Variants in JMJD1C observed in about 807,000 individuals in gnomAD.
JMJD1C encodes the protein jumonji domain-containing protein 1C.
In JMJD1C, 31 loss-of-function variants were observed where a neutral mutation model predicts 245.3. That is an observed-to-expected ratio of 0.13 (90% CI 0.09 to 0.17). The LOEUF is 0.17. Ranked by LOEUF, JMJD1C falls within the 10% of genes least tolerant of loss-of-function variation. The pLI is 1.00. For synonymous variants in JMJD1C, 1,057 were observed against 1,017.4 expected (o/e 1.04, Z -0.74); for missense variants, 2,691 against 3,000.2 (o/e 0.90, Z 2.41).
intron 2 of JMJD1C, among the ~76,000 whole-genome samples, chr10:63,284,046 G>C (rs1857699887): frequency 6.6e-6 from 1 of 151,596 alleles, no homozygotes; most frequent in African/African-American, 2.4e-5. Context: ...TGGGAGGGGG[G>C]ACGGAGTCTC....
At chr10:63,362,235 T>TAAAA (rs10637662) in intron 2 of JMJD1C, among the ~76,000 whole-genome samples, 2 of 131,186 alleles carry the variant, frequency 1.5e-5, no homozygotes, top group Non-Finnish European at 3.2e-5. Context: ...ACTGCATCTC[T>TAAAA]AAAAAAAAAA....
intron 2 of JMJD1C, among the ~76,000 whole-genome samples, chr10:63,268,239 A>G (rs1202809365): frequency 1.3e-5 from 2 of 151,896 alleles, no homozygotes; most frequent in Non-Finnish European, 2.9e-5. Flanking sequence ...TACCAAAAAA[A>G]AAAAAAAAAA....
Position 63,208,501 on chromosome 10 carries a change from A to C in JMJD1C, c.3168T>G (p.Ser1056=), listed in dbSNP as rs1296111076. 6.2e-7 allele frequency: 1 copy of C among 1,614,106 alleles called. No homozygotes were observed. Among genetic ancestry groups the C allele is most frequent in the Non-Finnish European group, 8.5e-7 (1 of 1,179,994 alleles). ...RENYSRVASS[S]SSPKSHIIKQ... ...TGATGATATGGCTTTTAGGACTGGA[A>C]GATGATGATGCCACTCTGGAATAAT... The change falls in exon 10 of 26, where the codon TCT becomes TCG. Residue 1056 remains serine, a synonymous_variant. Transcript: ENST00000399262.
chr10:63,519,938 T>C (rs1955155273), intron 1 of JMJD1C, among the ~76,000 whole-genome samples: 1 of 152,238 alleles, frequency 6.6e-6, no homozygotes, highest in Admixed American at 6.5e-5. Context: ...AAAAAACTGG[T>C]GCTTATGCAG....
intron 3 of JMJD1C, among the ~76,000 whole-genome samples, chr10:63,230,537 A>G (rs1161350510): frequency 1.3e-5 from 2 of 152,154 alleles, no homozygotes; most frequent in African/African-American, 2.4e-5. Context: ...TCCATTTCAT[A>G]AAATGGTAAC....
At chr10:63,504,878 G>A (rs1954670022) in intron 1 of JMJD1C, among the ~76,000 whole-genome samples, 1 of 152,078 alleles carries the variant, frequency 6.6e-6, no homozygotes, top group Non-Finnish European at 1.5e-5. Context: ...AATGTTAGCC[G>A]AGCTTGGTGG....
chr10:63,241,354 A>G (rs1023061916), intron 3 of JMJD1C, among the ~76,000 whole-genome samples: 5 of 152,242 alleles, frequency 3.3e-5, no homozygotes, highest in Non-Finnish European at 7.3e-5. Flanking sequence ...GACGAGCAGT[A>G]AAGTGAAACA....
intron 3 of JMJD1C, among the ~76,000 whole-genome samples, chr10:63,249,935 T>A (rs1852821985): frequency 6.6e-6 from 1 of 152,084 alleles, no homozygotes; most frequent in South Asian, 2.1e-4. Context: ...AATGATTTGA[T>A]CTTTAGAAAT....
chr10:63,480,630 T>TAAAAAA, intron 1 of JMJD1C, among the ~76,000 whole-genome samples: 1 of 144,288 alleles, frequency 6.9e-6, no homozygotes, highest in Non-Finnish European at 1.5e-5. Flanking sequence ...AGTACTATTG[T>TAAAAAA]AAAAAAAAAA....
chr10:63,214,594 T>C lies in JMJD1C; in HGVS notation c.1573A>G (p.Asn525Asp), dbSNP rs188760754. 5.6e-6 allele frequency: 9 copies of C among 1,614,134 alleles called. No homozygotes were observed. In the Admixed American group the frequency reaches 1.5e-4, roughly 27 times the overall value. The change falls in exon 8 of 26, where the codon AAC (asparagine) becomes GAC (aspartate). Residue 525 changes from asparagine (N) to aspartate (D), a missense_variant. By Grantham distance (23) the Asn-to-Asp change is conservative (BLOSUM62 1). Transcript: ENST00000399262. ...GTCTGAAGGCCAAAGGTACTTGAGT[T>C]TTCCTGAGCCACCTTTTCTAAATTA... ...DTNLEKVAQE[N>D]SSTFGLQTLQ...
chr10:63,239,531 G>A (rs376900974), intron 3 of JMJD1C, among the ~76,000 whole-genome samples: 2 of 152,004 alleles, frequency 1.3e-5, no homozygotes, highest in Non-Finnish European at 1.5e-5. Context: ...TGCAACCTCC[G>A]TTTCCTGGGT....
intron 2 of JMJD1C, among the ~76,000 whole-genome samples, chr10:63,363,252 C>CTTT (rs71463517): frequency 1.0e-3 from 100 of 99,824 alleles, no homozygotes; most frequent in Middle Eastern, 5.8e-3. Flanking sequence ...TCATACAATT[C>CTTT]TTTTTTTTTT....
At chr10:63,264,465 A>C (rs1855277854) in intron 3 of JMJD1C, among the ~76,000 whole-genome samples, 186 bp downstream of exon 3, 1 of 152,200 alleles carries the variant, frequency 6.6e-6, no homozygotes, top group Non-Finnish European at 1.5e-5. Flanking sequence ...TTCTCAGTAT[A>C]TATTGTTAAT....
Position 63,213,463 on chromosome 10 carries a change from T to C in JMJD1C, c.2694+10A>G. On this transcript the variant is annotated intron_variant, in intron 8 of 25. Transcript: ENST00000399262. ...TATACTGCTATGTGGCAAACTACAG[T>C]GTAACTTACCCTCCTTAATGAAGCT... 5 of 1,523,332 alleles carry C rather than the reference T, an allele frequency of 3.3e-6. No individual in the cohort carries two copies. Among genetic ancestry groups the C allele is most frequent in the African/African-American group, 1.4e-5 (1 of 73,200 alleles). The allele number at this position is 1,523,332 out of a possible 1,614,324, so 94.4% of individuals were successfully genotyped here. A position where few individuals can be genotyped will look rare whatever the true frequency, so the allele number is the denominator to read the frequency against.
At chr10:63,391,810 G>T (rs1488738140) in intron 1 of JMJD1C, among the ~76,000 whole-genome samples, 1 of 151,978 alleles carries the variant, frequency 6.6e-6, no homozygotes, top group Non-Finnish European at 1.5e-5. Flanking sequence ...AATTCCTATG[G>T]AAGTAAAAAA....
At position 63,207,978 on chromosome 10, in the gene JMJD1C, T is replaced by C; in HGVS notation, c.3691A>G (p.Thr1231Ala). The change falls in exon 10 of 26, where the codon ACT (threonine) becomes GCT (alanine). Residue 1231 changes from threonine to alanine, a missense_variant. Coordinates refer to ENST00000399262, the MANE Select transcript of JMJD1C (RefSeq NM_032776.3). ...EGSYSSLSPP[T>A]LTPVMPVNAG... is the part of the protein sequence containing the mutation. ...TTTACTGGCATCACCGGAGTTAAAGTTGGAGGGGAAAGACTACTATAGCTG... is the reference window on the plus strand; with the variant it reads ...TTTACTGGCATCACCGGAGTTAAAGCTGGAGGGGAAAGACTACTATAGCTG... 1.2e-6 allele frequency: 2 copies of C among 1,614,118 alleles called. No individual in the cohort carries two copies. Among genetic ancestry groups the C allele is most frequent in the South Asian group, 1.1e-5 (1 of 91,076 alleles).
chr10:63,441,088 A>C (rs1377562666), intron 1 of JMJD1C, among the ~76,000 whole-genome samples: 1 of 152,202 alleles, frequency 6.6e-6, no homozygotes, highest in Non-Finnish European at 1.5e-5. Flanking sequence ...AGGCAAAGGG[A>C]TTGTAGGAAA....
chr10:63,205,030 T>C (rs1488720259), intron 10 of JMJD1C: 1 of 985,082 alleles, frequency 1.0e-6, no homozygotes, highest in Admixed American at 6.2e-5. Context: ...TTGTGCAACA[T>C]ACCTAAAAAG....
chr10:63,234,350 C>A (rs1429000898), intron 3 of JMJD1C, among the ~76,000 whole-genome samples: 2 of 151,558 alleles, frequency 1.3e-5, no homozygotes, highest in East Asian at 3.9e-4. Flanking sequence ...AAAAATTAGG[C>A]AGGTGTTATG....
Sources: gnomAD v4.1 joint callset for allele counts (sites outside exome capture counted in the v4.1 genomes callset) on GRCh38, gnomAD v4.1.1 for gene constraint, MANE v1.5 for transcripts, NCBI Gene and HGNC (gene_info 2026-07-23, HGNC 2026-07-21) for gene names.